The following KDM2A variants were observed in gnomAD, a reference collection of about 807,000 sequenced individuals.
The protein encoded by KDM2A is lysine demethylase 2A, also known as lysine-specific demethylase 2A.
In KDM2A, 3 loss-of-function variants were observed where a neutral mutation model predicts 137.3. The ratio of observed to expected loss-of-function variants is 0.02; its 90% CI spans 0.01 to 0.06. The LOEUF (loss-of-function observed/expected upper bound fraction) is 0.06. Among genes scored for constraint, KDM2A ranks in the 10% least tolerant of loss-of-function variants. KDM2A has a pLI of 1.00. For missense variants in KDM2A, 738 were observed against 1,510.6 expected (o/e 0.49, Z 8.48); for synonymous variants, 512 against 541.5 (o/e 0.95, Z 0.76).
At chr11:67,204,681 T>C (rs1490468532) in intron 5 of KDM2A, among the ~76,000 whole-genome samples, 1 of 151,920 alleles carries the variant, frequency 6.6e-6, no homozygotes, top group African/African-American at 2.4e-5. Flanking sequence ...TTAGTAGAGA[T>C]GGGGTTTCAC....
chr11:67,148,489 CT>C (rs1856307624), intron 2 of KDM2A, among the ~76,000 whole-genome samples: 1 of 151,894 alleles, frequency 6.6e-6, no homozygotes, highest in Admixed American at 6.6e-5. Context: ...TCAATCATAT[CT>C]TTTTTCCCCC....
intron 2 of KDM2A, among the ~76,000 whole-genome samples, chr11:67,139,267 C>T (rs956690374): frequency 3.3e-5 from 5 of 151,310 alleles, no homozygotes; most frequent in South Asian, 2.1e-4. Flanking sequence ...TCTTTTGAGA[C>T]GGAGTCTCGC....
At position 67,207,812 on chromosome 11, in the gene KDM2A, C is replaced by G. The variant is rs543972305; in HGVS notation, c.486+124C>G. The stretch of plus-strand genomic sequence containing the variant: ...GGCCAAGGGAGGCAGATCGCTTGAG[C>G]TGAGGAGTTTGAGAGCAGCCGGGGC... On this transcript the variant is annotated intron_variant, in intron 6 of 20. Coordinates refer to ENST00000529006, the MANE Select transcript of KDM2A (RefSeq NM_012308.3). 42 of 692,104 alleles carry G rather than the reference C, an allele frequency of 6.1e-5. No individual in the cohort carries two copies. The East Asian group carries it at 1.2e-3, about 19-fold the overall frequency. The allele number at this position is 692,104 out of a possible 1,614,324, so 42.9% of individuals were successfully genotyped here.
chr11:67,226,147 C>T (rs919150628), intron 10 of KDM2A, among the ~76,000 whole-genome samples: 4 of 151,940 alleles, frequency 2.6e-5, no homozygotes, highest in African/African-American at 7.3e-5. Context: ...ATCCCAGCTG[C>T]TCAGGAGGCT....
chr11:67,164,922 TAGTC>T (rs1420367398), intron 2 of KDM2A, among the ~76,000 whole-genome samples: 7 of 151,956 alleles, frequency 4.6e-5, no homozygotes, highest in African/African-American at 1.2e-4. Context: ...TTAATGATGT[TAGTC>T]AGTTTACCAC....
intron 6 of KDM2A, among the ~76,000 whole-genome samples, chr11:67,208,254 T>G (rs1396616445): frequency 2.6e-5 from 4 of 151,548 alleles, no homozygotes; most frequent in Non-Finnish European, 5.9e-5. Flanking sequence ...TTTTTTTTTT[T>G]TAAAGACAGG....
intron 18 of KDM2A, 27 bp downstream of exon 18, chr11:67,252,884 T>C (rs1859477573): frequency 1.3e-6 from 2 of 1,582,696 alleles, no homozygotes; most frequent in African/African-American, 2.7e-5. Flanking sequence ...GCCGCTGTCT[T>C]TCCAGGGGCC....
At chr11:67,166,298 C>T (rs1485772296) in intron 2 of KDM2A, among the ~76,000 whole-genome samples, 2 of 151,078 alleles carry the variant, frequency 1.3e-5, no homozygotes, top group Non-Finnish European at 2.9e-5. Context: ...GATTCTCGTG[C>T]CTCAGCCTCC....
chr11:67,245,965 C>A lies in KDM2A; in HGVS notation c.1834-20C>A. ...AGATCTGAGTCAGTTCTCTTGGATT[C>A]TATCTTTGTCCTCTTGTAGCCCAGA... On this transcript the variant is annotated intron_variant, in intron 14 of 20. Transcript: ENST00000529006. This position sits in a 1 kb window ranked among gnomAD's most constrained non-coding sequence, Gnocchi z 4.1. 9 of 1,613,186 alleles carry A rather than the reference C, an allele frequency of 5.6e-6. No individual in the cohort carries two copies. Among genetic ancestry groups the A allele is most frequent in the South Asian group, 1.1e-5 (1 of 90,988 alleles).
intron 15 of KDM2A, among the ~76,000 whole-genome samples, chr11:67,246,865 A>AG (rs1859231644): frequency 6.6e-6 from 1 of 151,612 alleles, no homozygotes; most frequent in African/African-American, 2.4e-5. Flanking sequence ...ATATAGTAGC[A>AG]AATCTATAAC....
At position 67,121,376 on chromosome 11, in the gene KDM2A, C is replaced by G. The variant is rs1350432421; in HGVS notation, c.42+18C>G. ...AGAGATTGGTTAGTATTTTCTCCCC[C>G]CACCACACCCTCCAGTTTTAAAGTA... On this transcript the variant is annotated intron_variant, in intron 2 of 20. Coordinates refer to ENST00000529006, the MANE Select transcript of KDM2A (RefSeq NM_012308.3). 6.2e-7 allele frequency: 1 copy of G among 1,608,892 alleles called. No individual in the cohort carries two copies. The highest frequency in any genetic ancestry group is 8.5e-7 in the Non-Finnish European group (1 of 1,175,400).
intron 5 of KDM2A, among the ~76,000 whole-genome samples, chr11:67,185,211 A>C (rs187303145): frequency 6.6e-6 from 1 of 152,352 alleles, no homozygotes; most frequent in Non-Finnish European, 1.5e-5. Flanking sequence ...ATTAAAATGA[A>C]AACTTAGATT....
At chr11:67,252,423 T>G (rs984703012) in intron 17 of KDM2A, 1 of 453,524 alleles carries the variant, frequency 2.2e-6, no homozygotes, top group Admixed American at 3.4e-5. Flanking sequence ...TAACAACTGT[T>G]GTGTTCTCAA....
intron 2 of KDM2A, among the ~76,000 whole-genome samples, chr11:67,149,722 CTTT>C (rs368037059): frequency 4.4e-5 from 6 of 134,950 alleles, no homozygotes; most frequent in East Asian, 4.3e-4. Flanking sequence ...GTATTAGAAT[CTTT>C]TTTTTTTTTT....
At chr11:67,238,938 G>A (rs1367307756) in intron 12 of KDM2A, among the ~76,000 whole-genome samples, 1 of 152,152 alleles carries the variant, frequency 6.6e-6, no homozygotes, top group East Asian at 1.9e-4. Flanking sequence ...CTTTCCTCCT[G>A]TAGACTGAAA....
chr11:67,196,542 C>A, intron 5 of KDM2A: 1 of 447,294 alleles, frequency 2.2e-6, no homozygotes, highest in Non-Finnish European at 4.5e-6. Flanking sequence ...TATTATTTAG[C>A]CTTAAAAAGG....
At chr11:67,142,940 TC>T (rs1184665930) in intron 2 of KDM2A, among the ~76,000 whole-genome samples, 1 of 151,552 alleles carries the variant, frequency 6.6e-6, no homozygotes, top group Non-Finnish European at 1.5e-5. Flanking sequence ...TATCTTCTAC[TC>T]CCTCTCAGTT....
chr11:67,206,722 G>A (rs182241482), intron 5 of KDM2A, among the ~76,000 whole-genome samples: 3 of 152,376 alleles, frequency 2.0e-5, no homozygotes, highest in African/African-American at 7.2e-5. Context: ...GAGCGACAGA[G>A]CGAGACTCCG....
intron 2 of KDM2A, among the ~76,000 whole-genome samples, chr11:67,160,408 A>G (rs1200535769): frequency 6.6e-6 from 1 of 152,204 alleles, no homozygotes; most frequent in Non-Finnish European, 1.5e-5. Context: ...GGATGAGAGC[A>G]GTAACCTTAA....
Sources: allele counts gnomAD v4.1 joint callset (sites outside exome capture counted in the v4.1 genomes callset), GRCh38; gene constraint gnomAD v4.1.1; non-coding constraint Gnocchi (gnomAD v3.1); transcripts MANE v1.5; gene names NCBI Gene and HGNC (gene_info 2026-07-23, HGNC 2026-07-21).